LRP5: variants seen among roughly 807,000 people sequenced by gnomAD.
LRP5 encodes low-density lipoprotein receptor-related protein 5.
Under a neutral mutation model 154.1 loss-of-function variants are expected in LRP5, and 62 were observed. That is an observed-to-expected ratio of 0.40 (90% CI 0.33 to 0.50). LRP5 has a LOEUF of 0.50. Among genes scored for constraint, LRP5 ranks in the 20% least tolerant of loss-of-function variants. LRP5 has a pLI of 0.55. For missense variants in LRP5, 1,915 were observed against 2,336.7 expected, an observed-to-expected ratio of 0.82 and a Z score of 3.72; for synonymous variants, 966 against 1,011.5, an observed-to-expected ratio of 0.96 and a Z score of 0.85.
At chr11:68,443,904 C>G (rs2098680019) in intron 21 of LRP5, among the ~76,000 whole-genome samples, 1 of 151,694 alleles carries the variant, frequency 6.6e-6, no homozygotes, top group Admixed American at 6.6e-5. Context: ...GGTGATCCAC[C>G]CACCTCGGCC....
chr11:68,322,372 C>T (rs2153114775), intron 1 of LRP5, among the ~76,000 whole-genome samples: 1 of 152,354 alleles, frequency 6.6e-6, no homozygotes, highest in Non-Finnish European at 1.5e-5. Context: ...CTGGAACCTC[C>T]CCTTTGCCCA....
intron 10 of LRP5, among the ~76,000 whole-genome samples, chr11:68,410,594 G>A (rs1053130174): frequency 7.2e-5 from 11 of 152,104 alleles, no homozygotes; most frequent in Admixed American, 5.9e-4. Context: ...TGAGGTCCCC[G>A]GACCTCAGGC....
At chr11:68,411,071 T>C (rs1490386790) in intron 10 of LRP5, among the ~76,000 whole-genome samples, 2 of 152,192 alleles carry the variant, frequency 1.3e-5, no homozygotes. Context: ...GGTCTTGTTT[T>C]GTGATGTGCT....
At chr11:68,404,283 G>A (rs755397254) in intron 8 of LRP5, 17 of 529,108 alleles carry the variant, frequency 3.2e-5, no homozygotes, top group South Asian at 1.2e-4. Context: ...CCTGGGGCTC[G>A]CGGGCAGGGA....
intron 1 of LRP5, among the ~76,000 whole-genome samples, chr11:68,340,307 G>T (rs2153125302): frequency 6.6e-6 from 1 of 152,290 alleles, no homozygotes; most frequent in Non-Finnish European, 1.5e-5. Context: ...GGAAACTGAG[G>T]CTCTGGGAGA....
Position 68,386,991 on chromosome 11 carries a change from TC to T in LRP5, c.1412+283del, listed in dbSNP as rs2098643426. Reference sequence around the variant, plus strand: ...TGGAGACCTGGAGGGAGCCCTTTGTTCCCCTGGCTTCAGTTTCCTCATCTGT... The same window carrying T: ...TGGAGACCTGGAGGGAGCCCTTTGTTCCCTGGCTTCAGTTTCCTCATCTGT... On this transcript the variant is annotated intron_variant, in intron 6 of 22. Transcript: ENST00000294304. This position sits in a 1 kb window ranked among gnomAD's most constrained non-coding sequence, Gnocchi z 7.9. 6.6e-6 allele frequency among the ~76,000 whole-genome samples: 1 copy of T among 152,300 alleles called. No individual in the cohort carries two copies. Among genetic ancestry groups the T allele is most frequent in the African/African-American group, 2.4e-5 (1 of 41,556 alleles).
intron 7 of LRP5, among the ~76,000 whole-genome samples, chr11:68,396,235 G>A (rs1398635248): frequency 2.0e-5 from 3 of 152,138 alleles, no homozygotes; most frequent in Non-Finnish European, 4.4e-5. Flanking sequence ...AGACACATTT[G>A]GAACAATGGG....
intron 5 of LRP5, among the ~76,000 whole-genome samples, chr11:68,384,438 C>A (rs1167645714): frequency 6.6e-6 from 1 of 152,160 alleles, no homozygotes; most frequent in Non-Finnish European, 1.5e-5. Context: ...CCACAGGATG[C>A]TGGGAGGGGT....
intron 5 of LRP5, among the ~76,000 whole-genome samples, chr11:68,382,514 G>T (rs1445036579): frequency 2.0e-5 from 3 of 152,156 alleles, no homozygotes; most frequent in Non-Finnish European, 2.9e-5. Flanking sequence ...GGATGGTGTC[G>T]TTCACCTAAG....
intron 13 of LRP5, among the ~76,000 whole-genome samples, chr11:68,421,731 G>GTGTGGTGTGTA: frequency 6.7e-6 from 1 of 149,758 alleles, no homozygotes; most frequent in Non-Finnish European, 1.5e-5. Context: ...TGTGGTGTGT[G>GTGTGGTGTGTA]TGTGGTGTGT....
upstream of LRP5, among the ~76,000 whole-genome samples, chr11:68,310,132 A>G (rs955554671): frequency 2.6e-5 from 4 of 152,226 alleles, no homozygotes; most frequent in Non-Finnish European, 5.9e-5. Flanking sequence ...GGAGAAAAGT[A>G]AAGCAGAGAA....
In LRP5 at chr11:68,316,979, G is replaced by A. The variant is rs1218679819; in HGVS notation, c.91+4174G>A. Among the ~76,000 whole-genome samples, 6 of 152,382 alleles carry A rather than the reference G, an allele frequency of 3.9e-5. No homozygotes were observed. In the South Asian group the frequency reaches 1.0e-3, roughly 26 times the overall value. ...GGGAGTCTGTTGGGGAGGCCCTGGC[G>A]GGAGCCGGGGCTACATCCAGGTCCT... is the stretch of plus-strand genomic sequence containing the variant. On this transcript the variant is annotated intron_variant, in intron 1 of 22. Transcript: ENST00000294304.
chr11:68,368,437 A>G (rs1337523623), intron 5 of LRP5, among the ~76,000 whole-genome samples: 1 of 152,218 alleles, frequency 6.6e-6, no homozygotes. Flanking sequence ...TTGAGGCAGG[A>G]GCATGCTGGT....
intron 17 of LRP5, 103 bp from the exon 18 acceptor site, chr11:68,433,499 G>T (rs561598954): frequency 1.9e-6 from 2 of 1,036,168 alleles, no homozygotes; most frequent in Admixed American, 1.7e-5. Context: ...TGCCAAACCC[G>T]CGCTGAGTCC....
At chr11:68,371,252 TAGA>T (rs936146158) in intron 5 of LRP5, among the ~76,000 whole-genome samples, 4 of 152,226 alleles carry the variant, frequency 2.6e-5, no homozygotes, top group African/African-American at 9.6e-5. Flanking sequence ...GAGGTGGTTC[TAGA>T]AGATCTTCCC....
At chr11:68,347,035 T>A (rs1591203083) in intron 1 of LRP5, among the ~76,000 whole-genome samples, 6 of 151,272 alleles carry the variant, frequency 4.0e-5, no homozygotes, top group Admixed American at 1.3e-4. Context: ...CAGAGGGAGG[T>A]GAGGGAGCCA....
intron 1 of LRP5, among the ~76,000 whole-genome samples, chr11:68,323,883 G>A (rs1055037153): frequency 6.6e-6 from 1 of 152,230 alleles, no homozygotes; most frequent in African/African-American, 2.4e-5. Flanking sequence ...CAGGGAGTTT[G>A]CTGCAGTGCC....
chr11:68,446,362 C>A, intron 21 of LRP5, 74 bp from the exon 22 acceptor site: 1 of 1,047,926 alleles, frequency 9.5e-7, no homozygotes, highest in East Asian at 2.4e-5. Flanking sequence ...AAGGAAAGCC[C>A]GAGGGGTGTG....
chr11:68,394,979 C>G (rs989414357), intron 7 of LRP5, among the ~76,000 whole-genome samples: 1 of 152,056 alleles, frequency 6.6e-6, no homozygotes, highest in Non-Finnish European at 1.5e-5. Flanking sequence ...CATGGTAGGA[C>G]AGGAAAGCAA....
Sources: gnomAD v4.1 joint callset for allele counts (sites outside exome capture counted in the v4.1 genomes callset) on GRCh38, gnomAD v4.1.1 for gene constraint, Gnocchi (gnomAD v3.1) non-coding constraint, MANE v1.5 for transcripts, NCBI Gene and HGNC (gene_info 2026-07-23, HGNC 2026-07-21) for gene names.